The following DDO variants were observed in gnomAD, a reference collection of about 807,000 sequenced individuals.
DDO encodes the protein D-aspartate oxidase, also known as D-aspartate oxidase, DDO.
In DDO, 16 loss-of-function variants were observed where a neutral mutation model predicts 16.8. The ratio of observed to expected loss-of-function variants is 0.95; its 90% confidence interval spans 0.65 to 1.45. The LOEUF is 1.45. Ranked by LOEUF, DDO falls within the 40% of genes most tolerant of loss-of-function variation. DDO has a pLI of 0.00. For synonymous variants in DDO, 180 were observed against 167.2 expected (o/e 1.08, Z -0.59); for missense variants, 429 against 420.3 (o/e 1.02, Z -0.18).
At chr6:110,412,408 T>C (rs558083753) in intron 2 of DDO, among the ~76,000 whole-genome samples, 1 of 152,244 alleles carries the variant, frequency 6.6e-6, no homozygotes, top group Non-Finnish European at 1.5e-5. Flanking sequence ...TTGATAGTCA[T>C]TACTGTTATC....
chr6:110,394,580 GA>G lies in DDO; in HGVS notation c.459-1239del, dbSNP rs1193142390. Among the ~76,000 whole-genome samples, 6 of 152,352 alleles carry G rather than the reference GA, an allele frequency of 3.9e-5. No homozygotes were observed. In the South Asian group the frequency reaches 8.3e-4, roughly 21 times the overall value. ...TGCGGGGCACTGCTAAGAGGGACCAGAAGGGTGTGAGTGACAGTGCCCTTCG... is the reference window on the plus strand; with the variant it reads ...TGCGGGGCACTGCTAAGAGGGACCAGAGGGTGTGAGTGACAGTGCCCTTCG... On this transcript the variant is annotated intron_variant, in intron 4 of 4. Transcript: ENST00000368924.
downstream of DDO, among the ~76,000 whole-genome samples, chr6:110,389,953 T>C (rs1032521764): frequency 3.3e-5 from 5 of 152,350 alleles, no homozygotes; most frequent in Admixed American, 1.3e-4. Flanking sequence ...TATTTTTATA[T>C]GTGGTCTAGC....
intron 4 of DDO, among the ~76,000 whole-genome samples, chr6:110,397,464 C>G (rs1018108297): frequency 6.6e-6 from 1 of 152,062 alleles, no homozygotes; most frequent in African/African-American, 2.4e-5. Flanking sequence ...CTCTAGATAT[C>G]CTAATTAATT....
downstream of DDO, among the ~76,000 whole-genome samples, chr6:110,391,460 C>A (rs1157580967): frequency 1.3e-5 from 2 of 151,348 alleles, no homozygotes; most frequent in Non-Finnish European, 2.9e-5. Context: ...AGTAGCTTCC[C>A]GAGTAGCTGA....
At chr6:110,391,320 A>C (rs988736580), downstream of DDO, among the ~76,000 whole-genome samples, 1 of 150,808 alleles carries the variant, frequency 6.6e-6, no homozygotes, top group Non-Finnish European at 1.5e-5. Context: ...TCTTCCCCAA[A>C]TATTAAAATT....
chr6:110,388,378 G>A (rs1396324162), downstream of DDO, among the ~76,000 whole-genome samples: 1 of 152,156 alleles, frequency 6.6e-6, no homozygotes, highest in Non-Finnish European at 1.5e-5. Flanking sequence ...TCCTGAAACA[G>A]GTTTCTAAGA....
chr6:110,390,457 A>G (rs1773080534), downstream of DDO, among the ~76,000 whole-genome samples: 2 of 152,246 alleles, frequency 1.3e-5, 1 homozygote, highest in South Asian at 4.1e-4. Flanking sequence ...ACTGGGAACA[A>G]TATTTAGCAA....
At chr6:110,409,630 T>G (rs1360841754) in intron 2 of DDO, among the ~76,000 whole-genome samples, 1 of 152,230 alleles carries the variant, frequency 6.6e-6, no homozygotes, top group East Asian at 1.9e-4. Context: ...TGTACTGCCA[T>G]CTTTAAACAT....
chr6:110,413,217 T>C, intron 2 of DDO, 74 bp downstream of exon 2: 1 of 1,535,632 alleles, frequency 6.5e-7, no homozygotes, highest in East Asian at 2.3e-5. Flanking sequence ...CAGCTGTCTT[T>C]TGTCAATAGA....
Position 110,408,439 on chromosome 6 carries a change from G to A in DDO, c.176C>T (p.Thr59Ile), listed in dbSNP as rs754597112. The A allele has an allele frequency of 1.9e-6, 3 of 1,613,814 alleles. No individual in the cohort carries two copies. The East Asian group carries it at 6.7e-5, about 36-fold the overall frequency. Reference sequence around the variant, plus strand: ...CCACTGCTTCTGCGTGTGAATGGGTGTATCTGTAATCATGGAGAAAAGCAA... The same window carrying A: ...CCACTGCTTCTGCGTGTGAATGGGTATATCTGTAATCATGGAGAAAAGCAA... ...GMLIPHTYPD[T>I]PIHTQKQWFR... Residue 59 changes from threonine (T) to isoleucine (I), a missense_variant, in exon 3 of 5, where the codon ACA becomes ATA. Transcript: ENST00000368924.
chr6:110,394,344 C>T (rs572273587), intron 4 of DDO, among the ~76,000 whole-genome samples: 22 of 152,218 alleles, frequency 1.4e-4, no homozygotes, highest in African/African-American at 5.1e-4. Context: ...TGAGCTCAGT[C>T]GATCCACCTG....
At chr6:110,405,672 C>G (rs1003240012) in intron 3 of DDO, among the ~76,000 whole-genome samples, 1 of 152,038 alleles carries the variant, frequency 6.6e-6, no homozygotes, top group Non-Finnish European at 1.5e-5. Flanking sequence ...TCTATGATCC[C>G]AGCACTTTAG....
At chr6:110,402,976 C>G (rs1773529819) in intron 4 of DDO, among the ~76,000 whole-genome samples, 1 of 152,082 alleles carries the variant, frequency 6.6e-6, no homozygotes, top group Non-Finnish European at 1.5e-5. Context: ...GACAAAAATC[C>G]AAGATGAGAA....
intron 4 of DDO, among the ~76,000 whole-genome samples, chr6:110,394,857 A>G (rs191339900): frequency 6.6e-6 from 1 of 152,334 alleles, no homozygotes; most frequent in African/African-American, 2.4e-5. Flanking sequence ...AATGGCCACA[A>G]CTTTGAACAG....
chr6:110,391,555 G>C (rs1444897978), downstream of DDO, among the ~76,000 whole-genome samples: 1 of 151,948 alleles, frequency 6.6e-6, no homozygotes, highest in Non-Finnish European at 1.5e-5. Context: ...GGCTTGTCTT[G>C]AACTCCTGAA....
intron 4 of DDO, among the ~76,000 whole-genome samples, chr6:110,396,953 C>T (rs1773309870): frequency 6.6e-6 from 1 of 152,170 alleles, no homozygotes; most frequent in Non-Finnish European, 1.5e-5. Flanking sequence ...TAATACTGAG[C>T]AGCATGTTTC....
downstream of DDO, among the ~76,000 whole-genome samples, chr6:110,389,656 T>C (rs573648815): frequency 1.3e-5 from 2 of 152,134 alleles, no homozygotes; most frequent in Admixed American, 1.3e-4. Flanking sequence ...ATATGGTTGG[T>C]CCTAAGTTAG....
intron 2 of DDO, 50 bp downstream of exon 2, chr6:110,413,241 C>A (rs1054199121): frequency 6.3e-7 from 1 of 1,576,448 alleles, no homozygotes; most frequent in Admixed American, 1.7e-5. Context: ...CCACTAACAT[C>A]ATTCTATCTG....
rs777339075 is a variant in DDO, at chr6:110,415,524, TC to T, written c.-63del. On this transcript the variant is annotated 5_prime_UTR_variant, in exon 1 of 5. Transcript: ENST00000368924. ...AAAATCTCTGGCACCAAACCTTGTT[TC>T]CCAGTGCCTGGCTGGTCTCATGCCC... 6.2e-7 allele frequency: 1 copy of T among 1,614,190 alleles called. No homozygotes were observed. Among genetic ancestry groups the T allele is most frequent in the Non-Finnish European group, 8.5e-7 (1 of 1,180,032 alleles).
Sources: gnomAD v4.1 joint callset for allele counts (sites outside exome capture counted in the v4.1 genomes callset) on GRCh38, gnomAD v4.1.1 for gene constraint, MANE v1.5 for transcripts, NCBI Gene and HGNC (gene_info 2026-07-23, HGNC 2026-07-21) for gene names.